The following PKNOX2 variants were observed in gnomAD, a reference collection of about 807,000 sequenced individuals.
The protein encoded by PKNOX2 is homeobox protein PKNOX2.
A neutral mutation model predicts 53.1 loss-of-function variants in PKNOX2; 14 were observed. That is an observed-to-expected ratio of 0.26 (90% CI 0.17 to 0.41). The LOEUF (loss-of-function observed/expected upper bound fraction) is 0.41, where lower values mean the gene tolerates loss of function less well. PKNOX2 is among the 10% of genes least tolerant of loss of function. The pLI, the probability that PKNOX2 is intolerant of heterozygous loss-of-function variation, is 1.00. For synonymous variants in PKNOX2, 257 were observed against 242.8 expected (o/e 1.06, Z -0.54); for missense variants, 496 against 602.8 (o/e 0.82, Z 1.85).
intron 4 of PKNOX2, among the ~76,000 whole-genome samples, chr11:125,357,396 A>G (rs1951677955): frequency 6.6e-6 from 1 of 151,890 alleles, no homozygotes; most frequent in South Asian, 2.1e-4. Flanking sequence ...GGGAAGAAAC[A>G]CTCTACTGGC....
chr11:125,430,539 C>T (rs543091900), intron 12 of PKNOX2, among the ~76,000 whole-genome samples: 36 of 152,306 alleles, frequency 2.4e-4, no homozygotes, highest in African/African-American at 8.2e-4. Flanking sequence ...CCAGCCTCTC[C>T]ATCACACCCT....
chr11:125,246,898 C>T (rs1943609864), intron 2 of PKNOX2, among the ~76,000 whole-genome samples: 1 of 152,196 alleles, frequency 6.6e-6, no homozygotes, highest in East Asian at 1.9e-4. Flanking sequence ...ATTCTCTCTC[C>T]TCCCTCTCTC....
intron 5 of PKNOX2, among the ~76,000 whole-genome samples, chr11:125,382,511 T>C (rs970682950): frequency 5.3e-5 from 8 of 152,208 alleles, no homozygotes; most frequent in African/African-American, 1.9e-4. Flanking sequence ...TTTGTGCCTT[T>C]CATTCCTAAT....
intron 2 of PKNOX2, among the ~76,000 whole-genome samples, chr11:125,272,344 C>T (rs1227696872): frequency 6.6e-6 from 1 of 152,196 alleles, no homozygotes; most frequent in Admixed American, 6.5e-5. Context: ...AAGCTCTTTA[C>T]CAATTGCTAA....
chr11:125,166,529 C>T lies in PKNOX2; in HGVS notation c.-201+1753C>T, dbSNP rs891655974. 1.2e-4 allele frequency among the ~76,000 whole-genome samples: 19 copies of T among 152,048 alleles called. No individual in the cohort carries two copies. The highest frequency in any genetic ancestry group is 1.2e-4 in the Non-Finnish European group (8 of 67,990). ...ATCTGAGGTCCCGACCCAGGCGGCT[C>T]GGAGTGCTCCAGGAGCCACCTGGGT... On this transcript the variant is annotated intron_variant, in intron 1 of 12. Transcript: ENST00000298282. This position sits in a 1 kb window ranked among gnomAD's most constrained non-coding sequence, Gnocchi z 4.0.
At chr11:125,359,191 C>T (rs937760697) in intron 4 of PKNOX2, among the ~76,000 whole-genome samples, 2 of 146,044 alleles carry the variant, frequency 1.4e-5, no homozygotes, top group Admixed American at 6.9e-5. Context: ...AGGTGTGAGG[C>T]GATAGGGTAA....
At chr11:125,232,206 T>A (rs1942267014) in intron 1 of PKNOX2, among the ~76,000 whole-genome samples, 2 of 152,248 alleles carry the variant, frequency 1.3e-5, no homozygotes, top group Admixed American at 1.3e-4. Flanking sequence ...AAGGATTGTA[T>A]TGCTTTAGTC....
In PKNOX2 at chr11:125,326,968, C is replaced by T. The variant is rs1949852280; in HGVS notation, c.-129-4851C>T. 1.3e-5 allele frequency among the ~76,000 whole-genome samples: 2 copies of T among 152,174 alleles called. 1 individual carries two copies. Among genetic ancestry groups the T allele is most frequent in the Admixed American group, 1.3e-4 (2 of 15,280 alleles). On this transcript the variant is annotated intron_variant, in intron 2 of 12. Coordinates refer to ENST00000298282, the MANE Select transcript of PKNOX2 (RefSeq NM_001382323.2). The stretch of plus-strand genomic sequence containing the variant: ...CTGCTGGCGTGTCCGTGTAGGCAAA[C>T]CACACTTTCATCACCGCACTCACGG...
chr11:125,416,324 AAAAG>A (rs1435076019), intron 10 of PKNOX2, among the ~76,000 whole-genome samples: 4,662 of 147,866 alleles, frequency 0.032, 346 homozygotes, highest in African/African-American at 0.11. Context: ...AAAAAAAAAA[AAAAG>A]AAAGTGGAAT....
chr11:125,284,952 TG>T (rs1231425523), intron 2 of PKNOX2, among the ~76,000 whole-genome samples: 1 of 152,014 alleles, frequency 6.6e-6, no homozygotes, highest in Non-Finnish European at 1.5e-5. Context: ...AGCTTCTGCT[TG>T]CTTGGGGACT....
intron 1 of PKNOX2, among the ~76,000 whole-genome samples, chr11:125,181,826 A>G (rs1028796002): frequency 2.0e-5 from 3 of 152,200 alleles, no homozygotes; most frequent in Non-Finnish European, 2.9e-5. Context: ...ACCCCATGCT[A>G]TGGGGGTGCA....
intron 2 of PKNOX2, among the ~76,000 whole-genome samples, chr11:125,303,516 G>C (rs61917772): frequency 6.6e-6 from 1 of 152,148 alleles, no homozygotes; most frequent in African/African-American, 2.4e-5. Context: ...CTCTGGCGCT[G>C]CCTGGGCCTC....
intron 1 of PKNOX2, among the ~76,000 whole-genome samples, chr11:125,219,961 C>T (rs1190520943): frequency 6.6e-6 from 1 of 152,174 alleles, no homozygotes; most frequent in Non-Finnish European, 1.5e-5. Flanking sequence ...TTCTTTGTAA[C>T]ATTATTTGTA....
chr11:125,180,622 G>C (rs540812204), intron 1 of PKNOX2, among the ~76,000 whole-genome samples: 1 of 151,950 alleles, frequency 6.6e-6, no homozygotes, highest in South Asian at 2.1e-4. Context: ...CAAAGCCTCT[G>C]GGATTTACTC....
chr11:125,251,453 A>G (rs1197485001), intron 2 of PKNOX2, among the ~76,000 whole-genome samples: 2 of 152,224 alleles, frequency 1.3e-5, no homozygotes, highest in Non-Finnish European at 2.9e-5. Flanking sequence ...ACATTTAAAC[A>G]GCTTCTTTTA....
chr11:125,238,964 T>C (rs1236062473), intron 2 of PKNOX2, among the ~76,000 whole-genome samples: 1 of 152,190 alleles, frequency 6.6e-6, no homozygotes, highest in Non-Finnish European at 1.5e-5. Flanking sequence ...GAAATGGGGT[T>C]GTATATACTT....
chr11:125,320,633 T>C (rs1454164449), intron 2 of PKNOX2, among the ~76,000 whole-genome samples: 2 of 152,228 alleles, frequency 1.3e-5, no homozygotes, highest in Non-Finnish European at 2.9e-5. Flanking sequence ...CCTCTGTTAT[T>C]CCAGCTTGCT....
intron 1 of PKNOX2, among the ~76,000 whole-genome samples, chr11:125,189,439 GTGTGTGTGTATATATATATATATATA>G (rs1231442755): frequency 6.5e-4 from 37 of 56,762 alleles, no homozygotes; most frequent in African/African-American, 2.8e-3. Flanking sequence ...GTGTGTGTGT[GTGTGTGTGTATATATATATATATATA>G]TATATATATA....
chr11:125,205,568 G>A (rs955910362), intron 1 of PKNOX2, among the ~76,000 whole-genome samples: 2 of 149,998 alleles, frequency 1.3e-5, no homozygotes, highest in African/African-American at 4.9e-5. Context: ...TCTTGCTAGG[G>A]GTGGAGCTAG....
Sources: gnomAD v4.1 joint callset for allele counts (sites outside exome capture counted in the v4.1 genomes callset) on GRCh38, gnomAD v4.1.1 for gene constraint, Gnocchi (gnomAD v3.1) non-coding constraint, MANE v1.5 for transcripts, NCBI Gene and HGNC (gene_info 2026-07-23, HGNC 2026-07-21) for gene names.